HUNK: variants seen among roughly 807,000 people sequenced by gnomAD.
HUNK encodes the protein hormonally up-regulated Neu-associated kinase.
In HUNK, 21 loss-of-function variants were observed where a neutral mutation model predicts 61.0. That is an observed-to-expected ratio of 0.34 (90% CI 0.24 to 0.50). HUNK has a LOEUF of 0.50. HUNK is among the 20% of genes least tolerant of loss of function. The probability of loss-of-function intolerance (pLI) is 0.98; values close to 1 mark genes in which losing one functional copy is unlikely to be tolerated. For missense variants in HUNK, 772 were observed against 945.7 expected (o/e 0.82, Z 2.41); for synonymous variants, 371 against 386.1 (o/e 0.96, Z 0.46).
At position 31,999,457 on chromosome 21, in the gene HUNK, C is replaced by G. The variant is rs2053231475; in HGVS notation, c.*273C>G. 1 of 413,578 alleles carries G rather than the reference C, an allele frequency of 2.4e-6. No homozygotes were observed. Among genetic ancestry groups the G allele is most frequent in the Non-Finnish European group, 4.3e-6 (1 of 233,584 alleles). The allele number at this position is 413,578 out of a possible 1,614,324, so 25.6% of individuals were successfully genotyped here. ...GTACTCACCAACCCCTTCCACTTCC[C>G]ACTTCCCCCAGGCTTGGGGGGAAAA... On this transcript the variant is annotated 3_prime_UTR_variant, in exon 11 of 11. Coordinates refer to ENST00000270112, the MANE Select transcript of HUNK (RefSeq NM_014586.2).
At chr21:31,993,238 C>G (rs531503098) in intron 9 of HUNK, among the ~76,000 whole-genome samples, 12 of 152,278 alleles carry the variant, frequency 7.9e-5, no homozygotes, top group African/African-American at 2.9e-4. Flanking sequence ...GCATTACACA[C>G]CACTAGGTAC....
chr21:31,949,214 G>C (rs1335958069), intron 4 of HUNK, among the ~76,000 whole-genome samples: 3 of 152,226 alleles, frequency 2.0e-5, no homozygotes, highest in African/African-American at 7.2e-5. Context: ...GTGTGCTGAT[G>C]ACGGGCCCAG....
At chr21:31,931,683 T>C (rs2052697528) in intron 2 of HUNK, among the ~76,000 whole-genome samples, 4 of 152,148 alleles carry the variant, frequency 2.6e-5, no homozygotes, top group Admixed American at 2.6e-4. Context: ...TGTTCACTGG[T>C]TCTGCCACGT....
intron 7 of HUNK, among the ~76,000 whole-genome samples, chr21:31,978,337 T>C (rs2053065459): frequency 6.6e-6 from 1 of 152,238 alleles, no homozygotes; most frequent in Non-Finnish European, 1.5e-5. Context: ...GGTGAGACCA[T>C]TGAAAATCTA....
chr21:31,874,191 C>T (rs2052240305), intron 1 of HUNK, among the ~76,000 whole-genome samples: 1 of 146,394 alleles, frequency 6.8e-6, no homozygotes, highest in Non-Finnish European at 1.5e-5. Context: ...TCCCGCGCGG[C>T]CGTTCTGCTC....
chr21:31,947,506 G>T (rs2052817290), intron 4 of HUNK, among the ~76,000 whole-genome samples: 1 of 152,206 alleles, frequency 6.6e-6, no homozygotes, highest in Non-Finnish European at 1.5e-5. Flanking sequence ...ACCTCTCAAT[G>T]CCTGTCCTTT....
chr21:31,913,904 G>A (rs895294888), intron 1 of HUNK, among the ~76,000 whole-genome samples: 4 of 151,958 alleles, frequency 2.6e-5, no homozygotes, highest in Non-Finnish European at 5.9e-5. Context: ...TAGTGGGAGT[G>A]GCAGTCCGGG....
At chr21:31,953,243 CTT>C (rs397948129) in intron 4 of HUNK, among the ~76,000 whole-genome samples, 38 of 134,770 alleles carry the variant, frequency 2.8e-4, no homozygotes, top group Admixed American at 3.0e-4. Flanking sequence ...GGTTTCCATT[CTT>C]TTTTTTTTTT....
chr21:31,892,930 C>T (rs2052401501), intron 1 of HUNK, among the ~76,000 whole-genome samples: 1 of 151,372 alleles, frequency 6.6e-6, no homozygotes, highest in South Asian at 2.1e-4. Flanking sequence ...CTGCCATTCA[C>T]CCTGCCCCCT....
intron 1 of HUNK, among the ~76,000 whole-genome samples, chr21:31,912,611 G>A (rs548558210): frequency 1.3e-5 from 2 of 152,128 alleles, no homozygotes; most frequent in African/African-American, 4.8e-5. Context: ...GTGTGATCAC[G>A]GCTCACTGCA....
chr21:31,889,141 C>T (rs556099166), intron 1 of HUNK, among the ~76,000 whole-genome samples: 2 of 152,146 alleles, frequency 1.3e-5, no homozygotes, highest in Middle Eastern at 3.2e-3. Flanking sequence ...CATCCTCCTA[C>T]GAGAATGAAC....
chr21:31,989,393 C>T (rs2053155758), intron 8 of HUNK, among the ~76,000 whole-genome samples: 1 of 152,108 alleles, frequency 6.6e-6, no homozygotes, highest in Non-Finnish European at 1.5e-5. Context: ...GAATCAGATC[C>T]AGCAATCTGT....
intron 1 of HUNK, among the ~76,000 whole-genome samples, chr21:31,918,643 T>C (rs1236042920): frequency 6.6e-6 from 1 of 152,214 alleles, no homozygotes; most frequent in Non-Finnish European, 1.5e-5. Context: ...GTGGCCATGT[T>C]ATTCTCTTGT....
chr21:31,898,321 A>C (rs2123797395), intron 1 of HUNK, among the ~76,000 whole-genome samples: 1 of 152,298 alleles, frequency 6.6e-6, no homozygotes, highest in East Asian at 1.9e-4. Context: ...GCTGAAGTGC[A>C]ATGGCGCGAT....
chr21:31,973,087 C>G (rs913168516), intron 6 of HUNK, among the ~76,000 whole-genome samples: 3 of 152,146 alleles, frequency 2.0e-5, no homozygotes, highest in Non-Finnish European at 4.4e-5. Flanking sequence ...GCTCTCCAGC[C>G]AGATAACTTG....
At chr21:31,887,912 G>A (rs952164801) in intron 1 of HUNK, among the ~76,000 whole-genome samples, 1 of 152,204 alleles carries the variant, frequency 6.6e-6, no homozygotes, top group Non-Finnish European at 1.5e-5. Flanking sequence ...GGAAAGAAAT[G>A]GGTACATGGT....
chr21:31,935,396 A>G lies in HUNK; in HGVS notation c.555-4769A>G, dbSNP rs141379569. Among the ~76,000 whole-genome samples, 223 of 152,356 alleles carry G rather than the reference A, an allele frequency of 1.5e-3. 2 individuals are homozygous for G. Among genetic ancestry groups the G allele is most frequent in the Admixed American group, 5.8e-3 (88 of 15,300 alleles). ...GCACATTTGTTACAATGGATGAACCAGCATGGATACAGTCGTATTAACTAA... is the reference window on the plus strand; with the variant it reads ...GCACATTTGTTACAATGGATGAACCGGCATGGATACAGTCGTATTAACTAA... On this transcript the variant is annotated intron_variant, in intron 2 of 10. Coordinates refer to ENST00000270112, the MANE Select transcript of HUNK (RefSeq NM_014586.2).
At chr21:31,917,756 ACC>A (rs1555877124) in intron 1 of HUNK, among the ~76,000 whole-genome samples, 1 of 122,410 alleles carries the variant, frequency 8.2e-6, no homozygotes, top group Admixed American at 8.3e-5. Context: ...ACACACACAC[ACC>A]CCTGGACTGA....
At chr21:31,893,615 C>G (rs996183805) in intron 1 of HUNK, among the ~76,000 whole-genome samples, 5 of 151,512 alleles carry the variant, frequency 3.3e-5, no homozygotes, top group African/African-American at 1.2e-4. Context: ...ACTGGCCTCA[C>G]CTCCTTGTCA....
Sources: gnomAD v4.1 joint callset for allele counts (sites outside exome capture counted in the v4.1 genomes callset) on GRCh38, gnomAD v4.1.1 for gene constraint, MANE v1.5 for transcripts, NCBI Gene and HGNC (gene_info 2026-07-23, HGNC 2026-07-21) for gene names.